The following ZFHX3 variants were observed in gnomAD, a reference collection of about 807,000 sequenced individuals.
ZFHX3 encodes the protein zinc finger homeobox 3.
Under a neutral mutation model 279.1 loss-of-function variants are expected in ZFHX3, and 42 were observed. That is an observed-to-expected ratio of 0.15 (90% CI 0.12 to 0.19). The LOEUF (loss-of-function observed/expected upper bound fraction) is 0.19, where lower values mean the gene tolerates loss of function less well. Among genes scored for constraint, ZFHX3 ranks in the 10% least tolerant of loss-of-function variants. The pLI is 1.00. For synonymous variants in ZFHX3, 2,293 were observed against 1,957.8 expected, an observed-to-expected ratio of 1.17 and a Z score of -4.52; for missense variants, 4,981 against 4,754.0, an observed-to-expected ratio of 1.05 and a Z score of -1.40.
chr16:72,829,516 T>C, intron 5 of ZFHX3: 1 of 453,076 alleles, frequency 2.2e-6, no homozygotes, highest in East Asian at 3.3e-5. Context: ...CTTACCTGGA[T>C]ACTCAATAAG....
intron 2 of ZFHX3, among the ~76,000 whole-genome samples, chr16:73,511,956 C>T (rs9931395): frequency 0.089 from 13,610 of 152,112 alleles, 660 homozygotes; most frequent in African/African-American, 0.12. Flanking sequence ...GCCAGGTTCC[C>T]GTAAGATCAT....
chr16:73,708,284 A>AT (rs2142223691), intron 1 of ZFHX3, among the ~76,000 whole-genome samples: 1 of 152,300 alleles, frequency 6.6e-6, no homozygotes, highest in East Asian at 1.9e-4. Context: ...TTTTTAGTTG[A>AT]TTATTCAATA....
chr16:73,830,360 G>A (rs1290576854), intron 1 of ZFHX3, among the ~76,000 whole-genome samples: 9 of 151,382 alleles, frequency 5.9e-5, no homozygotes, highest in East Asian at 2.0e-4. Context: ...GAAATCACCC[G>A]TCTTCTGCGT....
chr16:73,877,629 T>A (rs1203355742), intron 1 of ZFHX3, among the ~76,000 whole-genome samples: 1 of 152,122 alleles, frequency 6.6e-6, no homozygotes, highest in Non-Finnish European at 1.5e-5. Flanking sequence ...ATCTTGTGAT[T>A]AAAAATAATA....
intron 4 of ZFHX3, among the ~76,000 whole-genome samples, chr16:72,865,985 T>C (rs1320301321): frequency 2.0e-5 from 3 of 151,974 alleles, no homozygotes; most frequent in Admixed American, 1.3e-4. Flanking sequence ...GAGCTCAACA[T>C]ACTCCTCCCA....
At chr16:73,317,789 A>C (rs560244545) in intron 4 of ZFHX3, among the ~76,000 whole-genome samples, 2 of 152,314 alleles carry the variant, frequency 1.3e-5, no homozygotes, top group Admixed American at 1.3e-4. Flanking sequence ...GTGATAAATG[A>C]GAGGGATAAT....
intron 3 of ZFHX3, among the ~76,000 whole-genome samples, chr16:72,939,871 C>T (rs1960325426): frequency 6.6e-6 from 1 of 152,078 alleles, no homozygotes; most frequent in Non-Finnish European, 1.5e-5. Context: ...TTGACCTCCT[C>T]GGCTCAAGCA....
At chr16:72,825,764 A>G (rs569558610) in intron 5 of ZFHX3, among the ~76,000 whole-genome samples, 2 of 152,258 alleles carry the variant, frequency 1.3e-5, no homozygotes, top group Non-Finnish European at 2.9e-5. Flanking sequence ...GGGTATCTAT[A>G]GCTGCACATG....
intron 2 of ZFHX3, chr16:73,679,442 AGGCT>A (rs2052988156): frequency 6.6e-6 from 1 of 152,182 alleles, no homozygotes; most frequent in African/African-American, 2.4e-5. Flanking sequence ...GACAGCAAAG[AGGCT>A]CCGGAACAGC....
At chr16:73,681,267 GATAA>G (rs1437215784) in intron 1 of ZFHX3, among the ~76,000 whole-genome samples, 1 of 152,248 alleles carries the variant, frequency 6.6e-6, no homozygotes, top group Non-Finnish European at 1.5e-5. Flanking sequence ...TTAGAAGAGT[GATAA>G]ATAGTGATTG....
rs117766675 is a variant in ZFHX3, at chr16:73,313,002, T to C, written c.-1194+5238A>G. Among the ~76,000 whole-genome samples, 204 of 152,312 alleles carry C rather than the reference T, an allele frequency of 1.3e-3. 3 individuals are homozygous for C. In the East Asian group the frequency reaches 0.037, roughly 28 times the overall value. Reference sequence around the variant, plus strand: ...GCTCTGTGTCCAAACCCAAACCTCATGTTGAATTGTCATCCCCATGTGTCA... The same window carrying C: ...GCTCTGTGTCCAAACCCAAACCTCACGTTGAATTGTCATCCCCATGTGTCA... On this transcript the variant is annotated intron_variant, in intron 4 of 17. Coordinates refer to the ZFHX3 transcript ENST00000641206.
intron 3 of ZFHX3, among the ~76,000 whole-genome samples, chr16:73,379,102 T>C (rs554858581): frequency 1.2e-4 from 19 of 152,214 alleles, no homozygotes; most frequent in Admixed American, 1.2e-3. Context: ...GAGGGGGAGA[T>C]GAGATTTCTA....
At chr16:73,524,604 T>C (rs763502204) in intron 2 of ZFHX3, among the ~76,000 whole-genome samples, 42 of 152,320 alleles carry the variant, frequency 2.8e-4, no homozygotes, top group Non-Finnish European at 2.9e-4. Flanking sequence ...ACTCAACGCA[T>C]CTCATTTCTC....
At chr16:73,154,966 G>A (rs1225654883) in intron 5 of ZFHX3, among the ~76,000 whole-genome samples, 1 of 152,032 alleles carries the variant, frequency 6.6e-6, no homozygotes, top group African/African-American at 2.4e-5. Context: ...TTGAGCCCAG[G>A]AGTTCGAGAC....
chr16:73,763,534 C>T (rs548444094), intron 1 of ZFHX3, among the ~76,000 whole-genome samples: 13 of 152,170 alleles, frequency 8.5e-5, no homozygotes, highest in South Asian at 2.1e-4. Flanking sequence ...GTGGAGTTAA[C>T]GGTGACATTT....
intron 1 of ZFHX3, among the ~76,000 whole-genome samples, chr16:73,837,976 T>C (rs1477254317): frequency 6.6e-6 from 1 of 152,218 alleles, no homozygotes; most frequent in Non-Finnish European, 1.5e-5. Context: ...CTCTTAGCAA[T>C]GGTATAGGGA....
intron 2 of ZFHX3, among the ~76,000 whole-genome samples, chr16:73,578,396 A>AAT (rs397722494): frequency 6.6e-6 from 1 of 151,438 alleles, no homozygotes; most frequent in African/African-American, 2.4e-5. Flanking sequence ...AAAAAAAAAA[A>AAT]CAAAGGGAAG....
At chr16:73,668,536 A>G (rs987625201) in intron 2 of ZFHX3, among the ~76,000 whole-genome samples, 2 of 151,976 alleles carry the variant, frequency 1.3e-5, no homozygotes, top group Non-Finnish European at 2.9e-5. Flanking sequence ...AATGCCACTT[A>G]TAAGTGAGAA....
At chr16:73,404,495 A>G (rs944704488) in intron 3 of ZFHX3, among the ~76,000 whole-genome samples, 2 of 152,196 alleles carry the variant, frequency 1.3e-5, no homozygotes, top group African/African-American at 2.4e-5. Context: ...TACAAGTCTA[A>G]GCAGCCGCAA....
Sources: gnomAD v4.1 joint callset for allele counts (sites outside exome capture counted in the v4.1 genomes callset) on GRCh38, gnomAD v4.1.1 for gene constraint, MANE v1.5 for transcripts, NCBI Gene and HGNC (gene_info 2026-07-23, HGNC 2026-07-21) for gene names.